Variants in POF1B observed in about 807,000 individuals in gnomAD.
The protein encoded by POF1B is protein POF1B.
In POF1B, 53 loss-of-function variants were observed where a neutral mutation model predicts 55.3. That is an observed-to-expected ratio of 0.96 (90% confidence interval 0.77 to 1.20). The LOEUF (loss-of-function observed/expected upper bound fraction) is 1.20, where lower values mean the gene tolerates loss of function less well. Ranked by LOEUF, POF1B falls within the 50% of genes most tolerant of loss-of-function variation. The pLI is 0.00. For missense variants in POF1B, 478 were observed against 420.5 expected, an observed-to-expected ratio of 1.14 and a Z score of -1.20; for synonymous variants, 188 against 148.3, an observed-to-expected ratio of 1.27 and a Z score of -1.95.
chrX:85,311,275 C>G (rs1727729797), intron 9 of POF1B, among the ~76,000 whole-genome samples: 1 of 110,916 alleles, frequency 9.0e-6, no homozygotes, highest in Admixed American at 9.6e-5. Context: ...CATAGGTATA[C>G]ACGTGCCATG....
chrX:85,338,732 T>A (rs1200026559), intron 6 of POF1B, among the ~76,000 whole-genome samples: 1 of 111,344 alleles, frequency 9.0e-6, no homozygotes, highest in Non-Finnish European at 1.9e-5. Context: ...GAAGAAAGAA[T>A]CATCAAACTA....
intron 6 of POF1B, among the ~76,000 whole-genome samples, chrX:85,343,269 G>C (rs191200019): frequency 7.4e-4 from 82 of 110,941 alleles, no homozygotes; most frequent in African/African-American, 2.5e-3. Context: ...CTTTACAGAA[G>C]CTACATAGAA....
intron 7 of POF1B, among the ~76,000 whole-genome samples, chrX:85,318,567 C>A (rs1264834311): frequency 8.9e-6 from 1 of 111,809 alleles, no homozygotes; most frequent in African/African-American, 3.2e-5. Flanking sequence ...AGGAGGGTTC[C>A]ACTTTCAATA....
intron 7 of POF1B, among the ~76,000 whole-genome samples, chrX:85,318,770 T>C (rs1932809383): frequency 8.9e-6 from 1 of 111,881 alleles, no homozygotes; most frequent in Non-Finnish European, 1.9e-5. Flanking sequence ...TTGGTTATTG[T>C]TGCCTTGTAG....
intron 15 of POF1B, among the ~76,000 whole-genome samples, chrX:85,294,287 C>T (rs183795877): frequency 1.2e-4 from 13 of 111,783 alleles, no homozygotes; most frequent in African/African-American, 3.9e-4. Flanking sequence ...ACATCTTTGT[C>T]TTGTTCCAGT....
intron 7 of POF1B, among the ~76,000 whole-genome samples, chrX:85,317,100 C>A: frequency 9.1e-6 from 1 of 109,515 alleles, no homozygotes; most frequent in Non-Finnish European, 1.9e-5. Flanking sequence ...GTAGATGTAC[C>A]ACATTTCCTT....
chrX:85,285,391 G>A (rs780376450), intron 15 of POF1B, among the ~76,000 whole-genome samples: 1 of 110,933 alleles, frequency 9.0e-6, no homozygotes, highest in South Asian at 3.9e-4. Context: ...GCAAAGACTT[G>A]GAACCAACCC....
At chrX:85,324,560 G>C (rs1425513131) in intron 7 of POF1B, among the ~76,000 whole-genome samples, 1 of 110,669 alleles carries the variant, frequency 9.0e-6, no homozygotes, top group Non-Finnish European at 1.9e-5. Context: ...CCATTTGCTT[G>C]GTCGATTTTT....
intron 15 of POF1B, among the ~76,000 whole-genome samples, chrX:85,289,334 A>G (rs1932129216): frequency 9.0e-6 from 1 of 111,722 alleles, no homozygotes; most frequent in Non-Finnish European, 1.9e-5. Flanking sequence ...TCCAGGGGCA[A>G]TTCCTAGGAA....
At chrX:85,372,224 T>C (rs1384195345) in intron 2 of POF1B, among the ~76,000 whole-genome samples, 1 of 108,677 alleles carries the variant, frequency 9.2e-6, no homozygotes, top group African/African-American at 3.4e-5. Context: ...GGCGCCTATA[T>C]TCCCAGCTAC....
intron 7 of POF1B, among the ~76,000 whole-genome samples, chrX:85,325,406 T>A (rs1414039095): frequency 8.9e-6 from 1 of 112,053 alleles, no homozygotes; most frequent in East Asian, 2.8e-4. Context: ...TTTCTCTGAG[T>A]TATTTTGGTG....
At chrX:85,362,790 C>G (rs1933647133) in intron 3 of POF1B, among the ~76,000 whole-genome samples, 1 of 111,208 alleles carries the variant, frequency 9.0e-6, no homozygotes, top group Admixed American at 9.6e-5. Context: ...CCCACCTCTT[C>G]AATTTTTTGT....
chrX:85,330,052 C>T (rs187000124), intron 7 of POF1B, among the ~76,000 whole-genome samples: 1 of 109,177 alleles, frequency 9.2e-6, no homozygotes, highest in East Asian at 2.9e-4. Flanking sequence ...ATTGACTTTC[C>T]TTTATCTTCC....
intron 3 of POF1B, among the ~76,000 whole-genome samples, chrX:85,360,219 C>T (rs944846477): frequency 1.0e-4 from 11 of 107,316 alleles, no homozygotes; most frequent in South Asian, 4.1e-4. Flanking sequence ...GGTAAATTCA[C>T]GTCACAGGGG....
At chrX:85,335,254 A>G (rs950658213) in intron 6 of POF1B, among the ~76,000 whole-genome samples, 4 of 111,748 alleles carry the variant, frequency 3.6e-5, no homozygotes, top group African/African-American at 1.3e-4. Context: ...TTAAGATCCA[A>G]CTGGGTAGTA....
chrX:85,371,277 A>AT, intron 2 of POF1B, among the ~76,000 whole-genome samples: 1 of 111,809 alleles, frequency 8.9e-6, no homozygotes, highest in East Asian at 2.8e-4. Flanking sequence ...TTCCCAACTT[A>AT]TTTTTCCATA....
chrX:85,321,804 C>A (rs1230430179), intron 7 of POF1B, among the ~76,000 whole-genome samples: 1 of 105,759 alleles, frequency 9.5e-6, no homozygotes, highest in African/African-American at 3.6e-5. Flanking sequence ...CAACAACAGA[C>A]AAACAGAGAG....
At chrX:85,304,552 C>A in intron 13 of POF1B, 81 bp from the exon 14 acceptor site, 1 of 504,098 alleles carries the variant, frequency 2.0e-6, no homozygotes, top group Non-Finnish European at 2.8e-6. Context: ...GGTTAAGTGA[C>A]ACAAACTCAC....
At chrX:85,315,143 A>G (rs557042228) in intron 8 of POF1B, among the ~76,000 whole-genome samples, 1 of 111,497 alleles carries the variant, frequency 9.0e-6, no homozygotes, top group South Asian at 3.7e-4. Flanking sequence ...AAAAACACTA[A>G]AGAGGGAATT....
Sources: gnomAD v4.1 joint callset for allele counts (sites outside exome capture counted in the v4.1 genomes callset) on GRCh38, gnomAD v4.1.1 for gene constraint, MANE v1.5 for transcripts, NCBI Gene and HGNC (gene_info 2026-07-23, HGNC 2026-07-21) for gene names.